The following MTMR7 variants were observed in gnomAD, a reference collection of about 807,000 sequenced individuals.
MTMR7 encodes the protein myotubularin related protein 7.
MTMR7 carries 76 observed loss-of-function variants against 81.2 expected under a neutral mutation model. That is an observed-to-expected ratio of 0.94 (90% confidence interval 0.78 to 1.13). MTMR7 has a LOEUF of 1.13. Among genes scored for constraint, MTMR7 ranks in the 50% most tolerant of loss-of-function variants. The pLI is 0.00. For missense variants in MTMR7, 1,044 were observed against 820.0 expected (o/e 1.27, Z -3.34); for synonymous variants, 372 against 289.8 (o/e 1.28, Z -2.88).
At chr8:17,411,086 C>T (rs1821723556) in intron 1 of MTMR7, among the ~76,000 whole-genome samples, 1 of 152,154 alleles carries the variant, frequency 6.6e-6, no homozygotes, top group African/African-American at 2.4e-5. Flanking sequence ...TAATGTTGTT[C>T]TCTTTTTCAT....
intron 7 of MTMR7, among the ~76,000 whole-genome samples, chr8:17,317,088 G>T (rs1316400348): frequency 2.0e-5 from 3 of 152,130 alleles, no homozygotes; most frequent in Non-Finnish European, 1.5e-5. Flanking sequence ...TTTCTTCTCT[G>T]AATGTTGTTT....
At chr8:17,338,138 G>A (rs1203957464) in intron 6 of MTMR7, among the ~76,000 whole-genome samples, 3 of 152,172 alleles carry the variant, frequency 2.0e-5, no homozygotes, top group African/African-American at 7.2e-5. Context: ...TAAAACTCAC[G>A]TGAAGTGTGC....
At chr8:17,336,622 G>A (rs1297142105) in intron 6 of MTMR7, among the ~76,000 whole-genome samples, 1 of 152,118 alleles carries the variant, frequency 6.6e-6, no homozygotes, top group East Asian at 1.9e-4. Context: ...CTAAAACCTC[G>A]CTGACCTGGT....
At chr8:17,366,416 G>T (rs1212989963) in intron 3 of MTMR7, among the ~76,000 whole-genome samples, 1 of 151,936 alleles carries the variant, frequency 6.6e-6, no homozygotes, top group Non-Finnish European at 1.5e-5. Context: ...TTTTAAAAAT[G>T]AAAAGAAAAA....
intron 1 of MTMR7, among the ~76,000 whole-genome samples, chr8:17,385,467 T>C (rs1287668952): frequency 6.6e-6 from 1 of 152,162 alleles, no homozygotes; most frequent in African/African-American, 2.4e-5. Flanking sequence ...TAAAGGGAGC[T>C]TCCCTGCATA....
chr8:17,370,058 G>A (rs1250260061), intron 3 of MTMR7, among the ~76,000 whole-genome samples: 1 of 151,598 alleles, frequency 6.6e-6, no homozygotes, highest in African/African-American at 2.4e-5. Flanking sequence ...AGCCCAAGAT[G>A]ACGGCTGGAA....
intron 1 of MTMR7, among the ~76,000 whole-genome samples, chr8:17,408,862 G>A (rs934616147): frequency 6.6e-5 from 10 of 152,220 alleles, no homozygotes; most frequent in Admixed American, 3.9e-4. Flanking sequence ...GATTTCTTTT[G>A]GGGGTGACAA....
intron 7 of MTMR7, among the ~76,000 whole-genome samples, chr8:17,330,102 A>T (rs1320932895): frequency 6.6e-6 from 1 of 152,216 alleles, no homozygotes; most frequent in Non-Finnish European, 1.5e-5. Context: ...GATGAACCAG[A>T]AAGTCCAGGA....
At chr8:17,316,195 T>TGTAA (rs1818058349) in intron 7 of MTMR7, among the ~76,000 whole-genome samples, 1 of 152,140 alleles carries the variant, frequency 6.6e-6, no homozygotes, top group Non-Finnish European at 1.5e-5. Context: ...AAAATGGTAA[T>TGTAA]AATAGCCTCT....
intron 1 of MTMR7, among the ~76,000 whole-genome samples, chr8:17,383,912 G>A (rs1310064019): frequency 6.6e-6 from 1 of 152,106 alleles, no homozygotes; most frequent in Non-Finnish European, 1.5e-5. Flanking sequence ...CTTCTAACCA[G>A]CAATGCAGTA....
At chr8:17,370,484 G>A (rs971497819) in intron 3 of MTMR7, among the ~76,000 whole-genome samples, 2 of 148,108 alleles carry the variant, frequency 1.4e-5, no homozygotes, top group Non-Finnish European at 3.0e-5. Flanking sequence ...TGCACCAGGA[G>A]GCAGAGGTTG....
chr8:17,395,146 A>G (rs953252191), intron 1 of MTMR7, among the ~76,000 whole-genome samples: 3 of 152,080 alleles, frequency 2.0e-5, no homozygotes, highest in African/African-American at 7.2e-5. Flanking sequence ...TATATACCTC[A>G]TGTAAGTGGA....
At chr8:17,328,682 T>C (rs1336114840) in intron 7 of MTMR7, among the ~76,000 whole-genome samples, 6 of 152,150 alleles carry the variant, frequency 3.9e-5, no homozygotes, top group African/African-American at 9.7e-5. Context: ...CGTTCACTTA[T>C]GTACATCCTG....
At chr8:17,310,285 G>C (rs1260745135) in intron 9 of MTMR7, among the ~76,000 whole-genome samples, 3 of 152,110 alleles carry the variant, frequency 2.0e-5, no homozygotes, top group Non-Finnish European at 4.4e-5. Context: ...ACAGGTGTGA[G>C]CTACCACACC....
rs1554518159 is a variant in MTMR7 at position 17,390,084 on chromosome 8, A to AAAG, written c.25-16845_25-16844insCTT. On this transcript the variant is annotated intron_variant, in intron 1 of 13. Transcript: ENST00000180173. The stretch of plus-strand genomic sequence containing the variant: ...AACAGGGAATATGTTAAAAAAAAAA[A>AAAG]AAAAGAAATCCCTCATGTATTAGCC... Among the ~76,000 whole-genome samples the AAAG allele has an allele frequency of 3.3e-5, 5 of 151,466 alleles. No individual in the cohort carries two copies. In the East Asian group the frequency reaches 9.7e-4, roughly 29 times the overall value.
chr8:17,313,329 A>C lies in MTMR7; in HGVS notation c.938T>G (p.Ile313Ser). The change falls in exon 8 of 14, where the codon ATT (isoleucine) becomes AGT (serine). Residue 313 changes from isoleucine (I) to serine (S), a missense_variant. Physicochemically the swap from Ile to Ser is moderately radical, Grantham distance 142. Transcript: ENST00000180173. ...GLENSGWLRH[I>S]KAIMDAGIFI... The stretch of plus-strand genomic sequence containing the variant: ...GATTCCTGCATCCATTATGGCTTTA[A>C]TGTGCCTTAACCAGCCAGAGTTCTC... 6.2e-7 allele frequency: 1 copy of C among 1,613,496 alleles called. No homozygotes were observed. The highest frequency in any genetic ancestry group is 8.5e-7 in the Non-Finnish European group (1 of 1,179,526).
intron 5 of MTMR7, among the ~76,000 whole-genome samples, chr8:17,344,341 G>T (rs1249242979): frequency 6.6e-6 from 1 of 152,234 alleles, no homozygotes; most frequent in Non-Finnish European, 1.5e-5. Flanking sequence ...GCCAGGCACA[G>T]TGGCTCATGC....
Position 17,393,212 on chromosome 8 carries a change from T to G in MTMR7, c.25-19972A>C, listed in dbSNP as rs6984984. ...TTTCAATAAATGCTGCTGCGACAAC[T>G]GGACTTCCACATGCAAAACAATGCA... On this transcript the variant is annotated intron_variant, in intron 1 of 13. Transcript: ENST00000180173. Among the ~76,000 whole-genome samples the G allele has an allele frequency of 8.7e-3, 1,327 of 152,300 alleles. 14 individuals are homozygous for G. The highest frequency in any genetic ancestry group is 0.03 in the African/African-American group (1,264 of 41,562).
chr8:17,340,969 C>T (rs1193570536), intron 6 of MTMR7, among the ~76,000 whole-genome samples: 1 of 152,166 alleles, frequency 6.6e-6, no homozygotes, highest in Non-Finnish European at 1.5e-5. Flanking sequence ...AAAATAATAG[C>T]TGAGTACTTC....
Sources: allele counts gnomAD v4.1 joint callset (sites outside exome capture counted in the v4.1 genomes callset), GRCh38; gene constraint gnomAD v4.1.1; transcripts MANE v1.5; gene names NCBI Gene and HGNC (gene_info 2026-07-23, HGNC 2026-07-21).